SNAPC3: variants seen among roughly 807,000 people sequenced by gnomAD.
The protein encoded by SNAPC3 is snRNA-activating protein complex subunit 3.
In SNAPC3, 56 loss-of-function variants were observed where a neutral mutation model predicts 47.7. The observed-to-expected ratio is 1.18, with a 90% CI of 0.95 to 1.47. The LOEUF (loss-of-function observed/expected upper bound fraction) is 1.47, where lower values mean the gene tolerates loss of function less well. Among genes scored for constraint, SNAPC3 ranks in the 40% most tolerant of loss-of-function variants. The probability of loss-of-function intolerance (pLI) is 0.00; values close to 1 mark genes in which losing one functional copy is unlikely to be tolerated. For synonymous variants in SNAPC3, 235 were observed against 189.9 expected (o/e 1.24, Z -1.95); for missense variants, 665 against 511.3 (o/e 1.30, Z -2.90).
chr9:15,450,249 T>C (rs988142814), intron 5 of SNAPC3, among the ~76,000 whole-genome samples: 2 of 152,146 alleles, frequency 1.3e-5, no homozygotes, highest in Non-Finnish European at 2.9e-5. Context: ...TGAGATTTAG[T>C]GACTGGTCCA....
At chr9:15,434,409 CTT>C (rs575328490) in intron 3 of SNAPC3, among the ~76,000 whole-genome samples, 25 of 135,364 alleles carry the variant, frequency 1.8e-4, no homozygotes, top group East Asian at 1.2e-3. Flanking sequence ...TTCTGTATGG[CTT>C]TTTTTTTTTT....
rs377006189 is a variant in SNAPC3 at position 15,461,059 on chromosome 9, A to T, written c.*1193A>T. On this transcript the variant is annotated 3_prime_UTR_variant, in exon 9 of 9. Coordinates refer to ENST00000380821, the MANE Select transcript of SNAPC3 (RefSeq NM_001039697.2). ...AATTATATAAGCAAAAAGAAAAAAA[A>T]TAAGTTTTCCTGGCCCAGGTCTTCC... 6.6e-6 allele frequency: 1 copy of T among 152,078 alleles called. No homozygotes were observed. The highest frequency in any genetic ancestry group is 1.5e-5 in the Non-Finnish European group (1 of 68,006). 9.4% of individuals were successfully genotyped at this position (152,078 alleles called of 1,614,324 possible). A position where few individuals can be genotyped will look rare whatever the true frequency, so the allele number is the denominator to read the frequency against.
downstream of SNAPC3, chr9:15,465,730 CATTATT>C: frequency 1.7e-6 from 1 of 580,818 alleles, no homozygotes; most frequent in Non-Finnish European, 2.9e-6. Flanking sequence ...TTAGAACAGT[CATTATT>C]ATTTTTTTCT....
At chr9:15,443,040 G>A (rs146350824) in intron 3 of SNAPC3, among the ~76,000 whole-genome samples, 1,652 of 152,272 alleles carry the variant, frequency 0.011, 32 homozygotes, top group African/African-American at 0.037. Flanking sequence ...GCGTGGCGGC[G>A]CGCACCCGCA....
intron 3 of SNAPC3, among the ~76,000 whole-genome samples, chr9:15,435,629 G>T (rs963030585): frequency 6.6e-6 from 1 of 151,642 alleles, no homozygotes; most frequent in Non-Finnish European, 1.5e-5. Flanking sequence ...TACTCTGGAG[G>T]CTGGCAGGAC....
intron 7 of SNAPC3, among the ~76,000 whole-genome samples, chr9:15,457,221 CAA>C (rs922148513): frequency 3.9e-5 from 6 of 152,046 alleles, no homozygotes; most frequent in African/African-American, 1.2e-4. Flanking sequence ...ATTAAAAAAA[CAA>C]GAGGCACATT....
chr9:15,423,632 TAC>T (rs1380056253), intron 1 of SNAPC3, among the ~76,000 whole-genome samples: 1 of 152,198 alleles, frequency 6.6e-6, no homozygotes, highest in Non-Finnish European at 1.5e-5. Flanking sequence ...GGTATTCTGT[TAC>T]TGAAATATTT....
Position 15,459,837 on chromosome 9 carries a change from C to G in SNAPC3, c.1207C>G (p.Pro403Ala), listed in dbSNP as rs1355823095. ...GNKLGEFLAY[P>A]YVDPGTFN The stretch of plus-strand genomic sequence containing the variant: ...CAAACTGGGGGAATTCCTTGCTTAT[C>G]CTTATGTTGATCCTGGAACCTTTAA... Residue 403 changes from proline to alanine, a missense_variant, in exon 9 of 9, where the codon CCT (proline) becomes GCT (alanine). Pro to Ala is a conservative substitution (Grantham distance 27, BLOSUM62 -1). Coordinates refer to ENST00000380821, the MANE Select transcript of SNAPC3 (RefSeq NM_001039697.2). 1 of 1,613,494 alleles carries G rather than the reference C, an allele frequency of 6.2e-7. No homozygotes were observed. The highest frequency in any genetic ancestry group is 1.7e-5 in the Admixed American group (1 of 59,928).
intron 2 of SNAPC3, among the ~76,000 whole-genome samples, chr9:15,431,261 G>T (rs1258519073): frequency 6.6e-6 from 1 of 152,184 alleles, no homozygotes; most frequent in Non-Finnish European, 1.5e-5. Context: ...CACTGATGCA[G>T]TACCATAGCA....
intron 3 of SNAPC3, among the ~76,000 whole-genome samples, chr9:15,440,735 G>A (rs2131841332): frequency 6.6e-6 from 1 of 152,088 alleles, no homozygotes; most frequent in Non-Finnish European, 1.5e-5. Flanking sequence ...GGATCACGAG[G>A]TCAAGAGATT....
intron 2 of SNAPC3, chr9:15,431,875 A>G (rs1220262923): frequency 6.7e-6 from 1 of 149,516 alleles, no homozygotes; most frequent in Non-Finnish European, 1.5e-5. Flanking sequence ...AGTCTGTATT[A>G]AAGCCTGTCT....
intron 6 of SNAPC3, among the ~76,000 whole-genome samples, 190 bp downstream of exon 6, chr9:15,451,592 GA>G (rs1216170976): frequency 6.6e-6 from 1 of 152,116 alleles, no homozygotes; most frequent in Non-Finnish European, 1.5e-5. Flanking sequence ...TCCGGAGGCT[GA>G]GGCAGGAGAA....
intron 2 of SNAPC3, chr9:15,431,884 C>CTTTTTTTTTTTTTT (rs36102225): frequency 1.0e-5 from 1 of 98,144 alleles, no homozygotes. Flanking sequence ...TAAAGCCTGT[C>CTTTTTTTTTTTTTT]TTTTTTTTTT....
In SNAPC3 at chr9:15,447,237, T is replaced by C. The variant is rs1239603252; in HGVS notation, c.725T>C (p.Ile242Thr). Residue 242 changes from isoleucine (I) to threonine (T), a missense_variant, in exon 5 of 9, where the codon ATC (isoleucine) becomes ACC (threonine). By Grantham distance (89) the Ile-to-Thr change is moderately conservative. Transcript: ENST00000380821. ...SNTPDQAPEH[I>T]SKDLYKSAFF... is the part of the protein sequence containing the mutation. ...ACTCCTGACCAAGCCCCTGAGCACA[T>C]CAGCAAAGTAAGGTGATTTCCTCCC... The C allele has an allele frequency of 1.2e-6, 2 of 1,613,872 alleles. No homozygotes were observed. The highest frequency in any genetic ancestry group is 1.7e-6 in the Non-Finnish European group (2 of 1,179,934).
Position 15,458,070 on chromosome 9 carries a change from G to T in SNAPC3, c.1088+3G>T. On this transcript the variant is annotated splice_donor_region_variant and intron_variant, in intron 8 of 8. Coordinates refer to ENST00000380821, the MANE Select transcript of SNAPC3 (RefSeq NM_001039697.2). The stretch of plus-strand genomic sequence containing the variant: ...GTTTGTAAAATGTATACAGCCAGGT[G>T]AGTGATAATGTATTTTTTTTTTTCT... The T allele has an allele frequency of 1.4e-6, 2 of 1,447,456 alleles. No individual in the cohort carries two copies. The highest frequency in any genetic ancestry group is 1.8e-6 in the Non-Finnish European group (2 of 1,083,156). The allele number at this position is 1,447,456 out of a possible 1,614,324, so 89.7% of individuals were successfully genotyped here.
chr9:15,452,775 A>G (rs1028169896), intron 6 of SNAPC3, among the ~76,000 whole-genome samples: 1 of 152,252 alleles, frequency 6.6e-6, no homozygotes, highest in African/African-American at 2.4e-5. Flanking sequence ...ATATTTTTCA[A>G]AACACAATGA....
At chr9:15,464,351 CAT>C (rs2035463752), downstream of SNAPC3, 1 of 194,240 alleles carries the variant, frequency 5.1e-6, no homozygotes, top group Non-Finnish European at 1.1e-5. Flanking sequence ...AATTTCAAAA[CAT>C]GAGAAGTATC....
At chr9:15,454,324 ATC>A (rs2034615059) in intron 7 of SNAPC3, among the ~76,000 whole-genome samples, 5 of 152,158 alleles carry the variant, frequency 3.3e-5, no homozygotes, top group African/African-American at 9.7e-5. Flanking sequence ...AAAATTTTGT[ATC>A]CCATGCACTC....
chr9:15,441,529 A>G (rs1250807557), intron 3 of SNAPC3, among the ~76,000 whole-genome samples: 3 of 151,572 alleles, frequency 2.0e-5, no homozygotes, highest in Admixed American at 2.0e-4. Flanking sequence ...TTTCCTAGGC[A>G]GAGGACCCTG....
Sources: allele counts gnomAD v4.1 joint callset (sites outside exome capture counted in the v4.1 genomes callset), GRCh38; gene constraint gnomAD v4.1.1; transcripts MANE v1.5; gene names NCBI Gene and HGNC (gene_info 2026-07-23, HGNC 2026-07-21).